The following LDB2 variants were observed in gnomAD, a reference collection of about 807,000 sequenced individuals.
LDB2 encodes LIM domain-binding protein 2.
Under a neutral mutation model 44.3 loss-of-function variants are expected in LDB2, and 12 were observed. The observed-to-expected ratio is 0.27, with a 90% confidence interval of 0.17 to 0.44. LDB2 has a LOEUF of 0.44. Among genes scored for constraint, LDB2 ranks in the 20% least tolerant of loss-of-function variants. The pLI, the probability that LDB2 is intolerant of heterozygous loss-of-function variation, is 1.00. For synonymous variants in LDB2, 164 were observed against 174.8 expected (o/e 0.94, Z 0.49); for missense variants, 344 against 473.5 (o/e 0.73, Z 2.54).
At chr4:16,629,147 C>T (rs561784326) in intron 2 of LDB2, among the ~76,000 whole-genome samples, 1 of 152,230 alleles carries the variant, frequency 6.6e-6, no homozygotes, top group Non-Finnish European at 1.5e-5. Flanking sequence ...GAGCCCACCA[C>T]AGATCAGCAA....
intron 2 of LDB2, among the ~76,000 whole-genome samples, chr4:16,742,677 AG>A (rs1561068766): frequency 2.0e-5 from 3 of 152,214 alleles, no homozygotes; most frequent in Non-Finnish European, 4.4e-5. Context: ...AAAAAAGCAG[AG>A]GACGCTCATG....
chr4:16,633,754 A>C (rs1301427678), intron 2 of LDB2, among the ~76,000 whole-genome samples: 40 of 152,238 alleles, frequency 2.6e-4, no homozygotes, highest in Admixed American at 9.2e-4. Flanking sequence ...CAGAACTGGA[A>C]AAAACTATTT....
intron 5 of LDB2, among the ~76,000 whole-genome samples, chr4:16,543,946 CCT>C (rs980918471): frequency 6.6e-6 from 1 of 152,020 alleles, no homozygotes; most frequent in East Asian, 1.9e-4. Flanking sequence ...TTTTTTTCTC[CCT>C]CTCTCTTTTT....
chr4:16,647,254 G>T (rs1737057906), intron 2 of LDB2, among the ~76,000 whole-genome samples: 1 of 152,196 alleles, frequency 6.6e-6, no homozygotes, highest in Admixed American at 6.5e-5. Context: ...GTCCAGAATA[G>T]GCAAATCTAT....
chr4:16,873,367 G>A (rs1341210804), intron 1 of LDB2, among the ~76,000 whole-genome samples: 1 of 152,138 alleles, frequency 6.6e-6, no homozygotes, highest in African/African-American at 2.4e-5. Context: ...TCAAAATGGA[G>A]TGGGCTGCCT....
chr4:16,512,260 AC>A (rs1722027774), intron 5 of LDB2, 156 bp from the exon 6 acceptor site: 4 of 692,012 alleles, frequency 5.8e-6, no homozygotes, highest in African/African-American at 1.8e-5. Context: ...AATAAATATT[AC>A]AAAAACTTGA....
intron 2 of LDB2, among the ~76,000 whole-genome samples, chr4:16,628,182 T>C (rs1266838697): frequency 6.6e-6 from 1 of 152,206 alleles, no homozygotes; most frequent in Non-Finnish European, 1.5e-5. Flanking sequence ...TCTAAACGCT[T>C]GTAAACTCTG....
At chr4:16,523,125 A>G (rs1273379402) in intron 5 of LDB2, among the ~76,000 whole-genome samples, 1 of 152,192 alleles carries the variant, frequency 6.6e-6, no homozygotes, top group African/African-American at 2.4e-5. Context: ...ATATGTACGT[A>G]TGCATGTATG....
chr4:16,883,657 TC>T (rs1720832061), intron 1 of LDB2, among the ~76,000 whole-genome samples: 1 of 152,172 alleles, frequency 6.6e-6, no homozygotes, highest in African/African-American at 2.4e-5. Context: ...CTTTTTCTCT[TC>T]CCCATGCAGC....
chr4:16,752,375 G>T lies in LDB2; in HGVS notation c.235+6783C>A, dbSNP rs149716614. 3.8e-3 allele frequency: 1,732 copies of T among 450,220 alleles called. 34 individuals carry two copies. The highest frequency in any genetic ancestry group is 0.031 in the African/African-American group (1,534 of 49,814). The allele number at this position is 450,220 out of a possible 1,614,324, so 27.9% of individuals were successfully genotyped here. A position where few individuals can be genotyped will look rare whatever the true frequency, so the allele number is the denominator to read the frequency against. On this transcript the variant is annotated intron_variant, in intron 2 of 7. Transcript: ENST00000304523. ...CCTCTGTTGGACAGATGTGGTAATTGTAATTGTTTGGAACTTGTTTGTTTA... is the reference window on the plus strand; with the variant it reads ...CCTCTGTTGGACAGATGTGGTAATTTTAATTGTTTGGAACTTGTTTGTTTA...
At chr4:16,581,842 A>C (rs1043998380) in intron 5 of LDB2, among the ~76,000 whole-genome samples, 1 of 152,084 alleles carries the variant, frequency 6.6e-6, no homozygotes, top group African/African-American at 2.4e-5. Context: ...TCTCTCCTGC[A>C]AAATAGGACT....
chr4:16,890,074 C>T (rs1395593480), intron 1 of LDB2, among the ~76,000 whole-genome samples: 2 of 152,156 alleles, frequency 1.3e-5, no homozygotes, highest in Non-Finnish European at 2.9e-5. Context: ...GCCATATATT[C>T]GGTGTTCCCT....
chr4:16,842,318 G>T (rs1379339512), intron 1 of LDB2, among the ~76,000 whole-genome samples: 1 of 152,214 alleles, frequency 6.6e-6, no homozygotes, highest in South Asian at 2.1e-4. Context: ...TCATACAATG[G>T]TGGGACTGAG....
intron 1 of LDB2, among the ~76,000 whole-genome samples, chr4:16,867,791 A>G (rs1199682120): frequency 3.3e-5 from 5 of 152,194 alleles, no homozygotes; most frequent in Non-Finnish European, 7.3e-5. Context: ...CTTCAAGACA[A>G]TGAAGTCCAA....
At position 16,873,517 on chromosome 4, in the gene LDB2, C is replaced by G. The variant is rs562152863; in HGVS notation, c.132+24837G>C. ...ATCTTATGACAAAAAAAAAAATGTTCTTTGTCCTTAGGCTTTCTATTCTTC... is the reference window on the plus strand; with the variant it reads ...ATCTTATGACAAAAAAAAAAATGTTGTTTGTCCTTAGGCTTTCTATTCTTC... On this transcript the variant is annotated intron_variant, in intron 1 of 7. Coordinates refer to ENST00000304523, the MANE Select transcript of LDB2 (RefSeq NM_001290.5). Among the ~76,000 whole-genome samples the G allele has an allele frequency of 1.8e-3, 273 of 151,944 alleles. 1 individual carries two copies. The highest frequency in any genetic ancestry group is 3.4e-3 in the Non-Finnish European group (228 of 67,972).
chr4:16,512,343 C>T (rs1040302289), intron 5 of LDB2, among the ~76,000 whole-genome samples: 1 of 152,102 alleles, frequency 6.6e-6, no homozygotes, highest in Non-Finnish European at 1.5e-5. Context: ...CACACAGACA[C>T]ACACAAACAC....
intron 1 of LDB2, among the ~76,000 whole-genome samples, chr4:16,787,101 TG>T (rs1163671604): frequency 1.3e-5 from 2 of 152,318 alleles, no homozygotes; most frequent in African/African-American, 4.8e-5. Context: ...TGTTTTGTTT[TG>T]TTTTTTTGGC....
rs74479237 is a variant in LDB2, at chr4:16,805,278, G to A, written c.133-46018C>T. Among the ~76,000 whole-genome samples the A allele has an allele frequency of 3.6e-3, 551 of 152,266 alleles. 7 individuals carry two copies. The highest frequency in any genetic ancestry group is 0.013 in the African/African-American group (528 of 41,544). ...GAATTTGGAAGGGATGAAAGCATTC[G>A]GTCCATAATGTGGACTTCAAATATT... On this transcript the variant is annotated intron_variant, in intron 1 of 7. Coordinates refer to ENST00000304523, the MANE Select transcript of LDB2 (RefSeq NM_001290.5).
chr4:16,747,383 G>T (rs1014886050), intron 2 of LDB2, among the ~76,000 whole-genome samples: 3 of 151,992 alleles, frequency 2.0e-5, no homozygotes, highest in African/African-American at 7.3e-5. Context: ...TATAATTAGC[G>T]GTTTATTTAC....
Sources: allele counts gnomAD v4.1 joint callset (sites outside exome capture counted in the v4.1 genomes callset), GRCh38; gene constraint gnomAD v4.1.1; transcripts MANE v1.5; gene names NCBI Gene and HGNC (gene_info 2026-07-23, HGNC 2026-07-21).